The following DPP10 variants were observed in gnomAD, a reference collection of about 807,000 sequenced individuals.
DPP10 encodes inactive dipeptidyl peptidase 10.
Under a neutral mutation model 120.9 loss-of-function variants are expected in DPP10, and 33 were observed. The observed-to-expected ratio is 0.27, with a 90% CI of 0.21 to 0.37. DPP10 has a LOEUF of 0.37. Ranked by LOEUF, DPP10 falls within the 10% of genes least tolerant of loss-of-function variation. The probability of loss-of-function intolerance (pLI) is 1.00; values close to 1 mark genes in which losing one functional copy is unlikely to be tolerated. For synonymous variants in DPP10, 337 were observed against 326.1 expected (o/e 1.03, Z -0.36); for missense variants, 816 against 942.8 (o/e 0.87, Z 1.76).
At chr2:115,482,349 T>A (rs972052465) in intron 3 of DPP10, among the ~76,000 whole-genome samples, 1 of 151,908 alleles carries the variant, frequency 6.6e-6, no homozygotes. Context: ...ATTAGCATAT[T>A]CATCATCTCA....
intron 1 of DPP10, among the ~76,000 whole-genome samples, chr2:114,988,752 C>A (rs1031241917): frequency 6.6e-6 from 1 of 152,136 alleles, no homozygotes; most frequent in Admixed American, 6.5e-5. Flanking sequence ...ACCTCTTAAT[C>A]GTTAAATTAT....
intron 1 of DPP10, among the ~76,000 whole-genome samples, chr2:114,490,907 T>C (rs1681939290): frequency 6.6e-6 from 1 of 152,184 alleles, no homozygotes. Flanking sequence ...TTTATTGTGA[T>C]ATTAATGCTG....
rs552939667 is a variant in DPP10, at chr2:115,259,419, G to A, written c.61-49820G>A. 2.6e-5 allele frequency among the ~76,000 whole-genome samples: 4 copies of A among 151,908 alleles called. No individual in the cohort carries two copies. The East Asian group carries it at 7.8e-4, about 30-fold the overall frequency. Reference sequence around the variant, plus strand: ...GAATCACTTGAACCCGGGAGGCGGAGGTTGCAGTGAGCCGAGATCGCACCA... The same window carrying A: ...GAATCACTTGAACCCGGGAGGCGGAAGTTGCAGTGAGCCGAGATCGCACCA... On this transcript the variant is annotated intron_variant, in intron 1 of 25. Transcript: ENST00000410059.
chr2:114,689,667 C>T (rs758189126), intron 1 of DPP10, among the ~76,000 whole-genome samples: 1 of 152,062 alleles, frequency 6.6e-6, no homozygotes, highest in Non-Finnish European at 1.5e-5. Flanking sequence ...CACTGTCTTC[C>T]ACAATGATTG....
chr2:115,475,603 C>A (rs963898680), intron 3 of DPP10, among the ~76,000 whole-genome samples: 2 of 152,104 alleles, frequency 1.3e-5, no homozygotes, highest in Non-Finnish European at 2.9e-5. Context: ...TCCTTTAAAC[C>A]CCAGAATGGT....
chr2:115,628,421 C>T (rs528955735), intron 5 of DPP10, among the ~76,000 whole-genome samples: 1 of 151,992 alleles, frequency 6.6e-6, no homozygotes, highest in South Asian at 2.1e-4. Context: ...GATATTAGAC[C>T]CTTGTCAGAT....
At chr2:114,646,029 A>T (rs1050757902) in intron 1 of DPP10, among the ~76,000 whole-genome samples, 2 of 151,942 alleles carry the variant, frequency 1.3e-5, no homozygotes, top group African/African-American at 2.4e-5. Flanking sequence ...GCGTGGTGGC[A>T]TGCACCTGTA....
At chr2:115,639,630 T>G (rs890029773) in intron 5 of DPP10, among the ~76,000 whole-genome samples, 4 of 151,910 alleles carry the variant, frequency 2.6e-5, no homozygotes, top group Admixed American at 6.6e-5. Flanking sequence ...ATTACAGGTT[T>G]TTTTTTTTCT....
intron 3 of DPP10, among the ~76,000 whole-genome samples, chr2:115,387,990 G>A (rs1423421767): frequency 2.0e-5 from 3 of 152,182 alleles, no homozygotes; most frequent in Non-Finnish European, 4.4e-5. Flanking sequence ...ACATTGCCCT[G>A]ACAGCTAACT....
At chr2:115,768,563 A>G (rs1448901234) in intron 13 of DPP10, among the ~76,000 whole-genome samples, 159 bp downstream of exon 13, 4 of 152,130 alleles carry the variant, frequency 2.6e-5, no homozygotes, top group Non-Finnish European at 1.5e-5. Flanking sequence ...CCATAGCCAT[A>G]CATTCAAGCC....
At chr2:115,470,693 A>G (rs941163635) in intron 3 of DPP10, among the ~76,000 whole-genome samples, 2 of 151,438 alleles carry the variant, frequency 1.3e-5, no homozygotes, top group Admixed American at 6.6e-5. Flanking sequence ...TTTCTGCATA[A>G]TTTTTTTTTC....
chr2:115,611,549 G>A (rs1337308260), intron 5 of DPP10, among the ~76,000 whole-genome samples: 2 of 152,094 alleles, frequency 1.3e-5, no homozygotes, highest in African/African-American at 4.8e-5. Context: ...AACTTTTTGG[G>A]ACTATATGAC....
At chr2:114,704,431 C>T (rs1199706129) in intron 1 of DPP10, among the ~76,000 whole-genome samples, 7 of 151,940 alleles carry the variant, frequency 4.6e-5, no homozygotes, top group Non-Finnish European at 1.0e-4. Flanking sequence ...TAGATACTAG[C>T]CTATTCTGCT....
At chr2:114,801,262 C>CAAAAAAAAAAAAAAA (rs1174819592) in intron 1 of DPP10, among the ~76,000 whole-genome samples, 1 of 59,610 alleles carries the variant, frequency 1.7e-5, no homozygotes, top group Non-Finnish European at 3.5e-5. Flanking sequence ...GACTCTGTAT[C>CAAAAAAAAAAAAAAA]AAAAAAAAAA....
At chr2:115,244,239 T>TATATATATAGAG (rs1348001277) in intron 1 of DPP10, among the ~76,000 whole-genome samples, 4 of 93,476 alleles carry the variant, frequency 4.3e-5, no homozygotes, top group Admixed American at 1.2e-4. Context: ...TATATATATA[T>TATATATATAGAG]AGAGAGAGAG....
chr2:115,017,863 G>A (rs992008701), intron 1 of DPP10, among the ~76,000 whole-genome samples: 16 of 151,908 alleles, frequency 1.1e-4, no homozygotes, highest in Admixed American at 4.6e-4. Flanking sequence ...TGGGGTGGGG[G>A]GAGTGGGGAG....
chr2:115,445,906 T>G lies in DPP10; in HGVS notation c.272-53604T>G, dbSNP rs2072540818. ...AGGAGGGAAAAATGGTTTTGTAAGATGGGCCCAGGACCCCACTGCTCTGTG... is the reference window on the plus strand; with the variant it reads ...AGGAGGGAAAAATGGTTTTGTAAGAGGGGCCCAGGACCCCACTGCTCTGTG... On this transcript the variant is annotated intron_variant, in intron 3 of 25. Transcript: ENST00000410059. Among the ~76,000 whole-genome samples, 3 of 152,234 alleles carry G rather than the reference T, an allele frequency of 2.0e-5. No homozygotes were observed. In the South Asian group the frequency reaches 6.2e-4, roughly 32 times the overall value.
At chr2:115,628,500 G>C (rs1204019717) in intron 5 of DPP10, among the ~76,000 whole-genome samples, 2 of 152,078 alleles carry the variant, frequency 1.3e-5, no homozygotes, top group African/African-American at 2.4e-5. Context: ...CTCTTTTGCT[G>C]TGCAGAAGCT....
intron 1 of DPP10, among the ~76,000 whole-genome samples, chr2:115,048,648 C>A (rs898665892): frequency 6.6e-6 from 1 of 152,028 alleles, no homozygotes; most frequent in Non-Finnish European, 1.5e-5. Flanking sequence ...TCATCACTCT[C>A]AATGTCTTGT....
Sources: gnomAD v4.1 joint callset for allele counts (sites outside exome capture counted in the v4.1 genomes callset) on GRCh38, gnomAD v4.1.1 for gene constraint, MANE v1.5 for transcripts, NCBI Gene and HGNC (gene_info 2026-07-23, HGNC 2026-07-21) for gene names.